The following EML6 variants were observed in gnomAD, a reference collection of about 807,000 sequenced individuals.
EML6 encodes EMAP like 6.
In EML6, 154 loss-of-function variants were observed where a neutral mutation model predicts 240.1. That is an observed-to-expected ratio of 0.64 (90% CI 0.56 to 0.73). The LOEUF is 0.73. Among genes scored for constraint, EML6 ranks in the 30% least tolerant of loss-of-function variants. EML6 has a pLI of 0.00. For missense variants in EML6, 2,964 were observed against 2,474.6 expected, an observed-to-expected ratio of 1.20 and a Z score of -4.20; for synonymous variants, 1,148 against 899.0, an observed-to-expected ratio of 1.28 and a Z score of -4.95.
At chr2:54,832,531 G>T (rs905547128) in intron 7 of EML6, among the ~76,000 whole-genome samples, 5 of 152,176 alleles carry the variant, frequency 3.3e-5, no homozygotes, top group Non-Finnish European at 5.9e-5. Context: ...CACAAGTGTA[G>T]GAATTAAAAT....
intron 2 of EML6, among the ~76,000 whole-genome samples, chr2:54,744,903 C>T (rs554517638): frequency 4.2e-5 from 5 of 117,760 alleles, no homozygotes; most frequent in Admixed American, 9.5e-5. Flanking sequence ...AACACACACA[C>T]GTACACACAC....
Position 54,960,270 on chromosome 2 carries a change from G to T in EML6, c.4904G>T (p.Cys1635Phe). The T allele has an allele frequency of 6.4e-7, 1 of 1,551,592 alleles. No homozygotes were observed. ...TTGTGGGACCAGGAGATGAAGCGCTGCCGGGCCTTTCAGCTGGAGACCGGG... is the reference window on the plus strand; with the variant it reads ...TTGTGGGACCAGGAGATGAAGCGCTTCCGGGCCTTTCAGCTGGAGACCGGG... The part of the protein sequence containing the change: ...VKLWDQEMKR[C>F]RAFQLETGQL... The change falls in exon 35 of 42, where the codon TGC becomes TTC. Residue 1635 changes from cysteine (C) to phenylalanine (F), a missense_variant. Coordinates refer to ENST00000356458, the MANE Select transcript of EML6 (RefSeq NM_001039753.4).
At chr2:54,819,314 A>G (rs1228022368) in intron 4 of EML6, among the ~76,000 whole-genome samples, 1 of 152,126 alleles carries the variant, frequency 6.6e-6, no homozygotes, top group Non-Finnish European at 1.5e-5. Context: ...AGTGTTGGGT[A>G]TCTGGGCCCA....
intron 22 of EML6, among the ~76,000 whole-genome samples, chr2:54,900,006 C>T (rs1324912432): frequency 2.6e-5 from 4 of 152,218 alleles, no homozygotes; most frequent in African/African-American, 9.7e-5. Context: ...ATTTTCCTTG[C>T]ACTGCACAGA....
At chr2:54,923,425 T>G (rs1290834037) in intron 26 of EML6, among the ~76,000 whole-genome samples, 1 of 147,724 alleles carries the variant, frequency 6.8e-6, no homozygotes, top group Non-Finnish European at 1.5e-5. Flanking sequence ...ATGTCATGAT[T>G]AATGCATTAA....
intron 2 of EML6, among the ~76,000 whole-genome samples, chr2:54,796,948 G>T (rs940085442): frequency 1.3e-5 from 2 of 151,818 alleles, no homozygotes; most frequent in African/African-American, 4.8e-5. Context: ...GCAATCTCGA[G>T]GTCAGGAGAT....
chr2:54,890,716 C>T (rs4671988), intron 17 of EML6, among the ~76,000 whole-genome samples: 32,954 of 152,124 alleles, frequency 0.22, 3,816 homozygotes, highest in South Asian at 0.35. Context: ...TATCTCTTTC[C>T]TTCTGCACAT....
intron 24 of EML6, 111 bp from the exon 25 acceptor site, chr2:54,910,843 T>C: frequency 3.4e-6 from 2 of 585,194 alleles, no homozygotes; most frequent in Non-Finnish European, 6.3e-6. Context: ...ATTTACTCAA[T>C]TTGTGAGACT....
At chr2:54,923,787 G>A (rs564747388) in intron 26 of EML6, among the ~76,000 whole-genome samples, 3 of 152,058 alleles carry the variant, frequency 2.0e-5, no homozygotes, top group South Asian at 2.1e-4. Context: ...CTCCTTCTGG[G>A]CCAGTCCCCA....
chr2:54,914,318 A>G (rs1673795642), intron 25 of EML6, among the ~76,000 whole-genome samples: 1 of 152,174 alleles, frequency 6.6e-6, no homozygotes, highest in African/African-American at 2.4e-5. Flanking sequence ...CATGGCCTAC[A>G]CCATGAAGCC....
intron 9 of EML6, 116 bp downstream of exon 9, chr2:54,847,739 G>GGGGATC: frequency 2.7e-6 from 3 of 1,094,132 alleles, no homozygotes; most frequent in Non-Finnish European, 3.9e-6. Context: ...CATTCAAATA[G>GGGGATC]GAATACTATA....
At chr2:54,742,593 G>A (rs17046265) in intron 2 of EML6, among the ~76,000 whole-genome samples, 4,582 of 152,218 alleles carry the variant, frequency 0.03, 217 homozygotes, top group African/African-American at 0.097. Context: ...CAGGCGACTG[G>A]CCCCTCTGTG....
rs751824873 is a variant in EML6 at position 54,894,939 on chromosome 2, G to T, written c.2767G>T (p.Gly923Cys). Residue 923 changes from glycine to cysteine, a missense_variant, in exon 20 of 42, where the codon GGC becomes TGC. Physicochemically the swap from Gly to Cys is radical, Grantham distance 159. Transcript: ENST00000356458. ...GGGCTTTGTAACAGGTGGAAAGGAC[G>T]GCATCGTGGAGCTCTGGGATGATAT... The part of the protein sequence containing the change: ...DKGFVTGGKD[G>C]IVELWDDMFE... 1.3e-6 allele frequency: 2 copies of T among 1,551,036 alleles called. No individual in the cohort carries two copies. The highest frequency in any genetic ancestry group is 2.0e-5 in the Admixed American group (1 of 50,960).
chr2:54,801,187 G>A (rs1426294059), intron 2 of EML6, among the ~76,000 whole-genome samples: 2 of 152,026 alleles, frequency 1.3e-5, no homozygotes, highest in Non-Finnish European at 2.9e-5. Context: ...GGGCATGGTG[G>A]TGGGCGCCTG....
At chr2:54,756,283 A>C (rs1407391019) in intron 2 of EML6, among the ~76,000 whole-genome samples, 1 of 152,160 alleles carries the variant, frequency 6.6e-6, no homozygotes, top group Non-Finnish European at 1.5e-5. Flanking sequence ...TGGTTTGTTC[A>C]TCAGTGTCTT....
At chr2:54,865,774 T>C (rs1670940487) in intron 13 of EML6, among the ~76,000 whole-genome samples, 1 of 152,240 alleles carries the variant, frequency 6.6e-6, no homozygotes, top group Non-Finnish European at 1.5e-5. Flanking sequence ...CATGTCACTT[T>C]CCAATGCTTT....
At position 54,895,029 on chromosome 2, in the gene EML6, G is replaced by A. The variant is rs1672688125; in HGVS notation, c.2854+3G>A. 1.9e-6 allele frequency: 3 copies of A among 1,541,484 alleles called. No individual in the cohort carries two copies. Among genetic ancestry groups the A allele is most frequent in the African/African-American group, 2.7e-5 (2 of 72,786 alleles). On this transcript the variant is annotated splice_donor_region_variant and intron_variant, in intron 20 of 41. Coordinates refer to ENST00000356458, the MANE Select transcript of EML6 (RefSeq NM_001039753.4). ...AGCATTGTCGACTAGCTCAAAAGGT[G>A]CCACTCCCAAACATGTAATAGAGAT...
At chr2:54,816,690 T>C (rs1312171882) in intron 3 of EML6, 97 bp from the exon 4 acceptor site, 2 of 960,258 alleles carry the variant, frequency 2.1e-6, no homozygotes, top group Non-Finnish European at 3.2e-6. Context: ...TTATAAGAAA[T>C]TCAATGCCTA....
chr2:54,964,488 G>A, intron 37 of EML6, 83 bp from the exon 38 acceptor site: 2 of 1,326,204 alleles, frequency 1.5e-6, no homozygotes, highest in South Asian at 2.9e-5. Context: ...AGGCCTGGAA[G>A]GCCTGTCACA....
Sources: allele counts gnomAD v4.1 joint callset (sites outside exome capture counted in the v4.1 genomes callset), GRCh38; gene constraint gnomAD v4.1.1; transcripts MANE v1.5; gene names NCBI Gene and HGNC (gene_info 2026-07-23, HGNC 2026-07-21).